Variants in ST8SIA2 observed in about 807,000 individuals in gnomAD.
The protein encoded by ST8SIA2 is ST8 alpha-N-acetyl-neuraminide alpha-2,8-sialyltransferase 2.
ST8SIA2 carries 22 observed loss-of-function variants against 37.6 expected under a neutral mutation model. That is an observed-to-expected ratio of 0.58 (90% CI 0.42 to 0.83). The LOEUF (loss-of-function observed/expected upper bound fraction) is 0.83, where lower values mean the gene tolerates loss of function less well. ST8SIA2 is among the 40% of genes least tolerant of loss of function. The pLI is 0.00. For synonymous variants in ST8SIA2, 205 were observed against 201.2 expected (o/e 1.02, Z -0.16); for missense variants, 382 against 484.7 (o/e 0.79, Z 1.99).
intron 2 of ST8SIA2, among the ~76,000 whole-genome samples, chr15:92,430,804 C>T (rs2049709983): frequency 6.6e-6 from 1 of 152,130 alleles, no homozygotes; most frequent in African/African-American, 2.4e-5. Flanking sequence ...AAGGAAGTGC[C>T]AAGTTATATG....
At chr15:92,398,022 A>G (rs2049443865) in intron 1 of ST8SIA2, among the ~76,000 whole-genome samples, 2 of 152,168 alleles carry the variant, frequency 1.3e-5, no homozygotes, top group Admixed American at 1.3e-4. Context: ...AATACCAGCT[A>G]CTCGGGAGGC....
At chr15:92,422,831 T>G (rs930779026) in intron 1 of ST8SIA2, 3 of 152,580 alleles carry the variant, frequency 2.0e-5, no homozygotes, top group African/African-American at 7.2e-5. Context: ...CAAGCACTTG[T>G]CAGCTGGTGG....
At chr15:92,440,970 G>A (rs2049797279) in intron 4 of ST8SIA2, among the ~76,000 whole-genome samples, 1 of 152,204 alleles carries the variant, frequency 6.6e-6, no homozygotes, top group African/African-American at 2.4e-5. Context: ...CTCCTCCAGA[G>A]CAGAGTGGCT....
At chr15:92,443,885 G>A (rs1026620322) in intron 4 of ST8SIA2, among the ~76,000 whole-genome samples, 14 of 152,050 alleles carry the variant, frequency 9.2e-5, no homozygotes, top group Admixed American at 9.2e-4. Flanking sequence ...ATCTCCAGCC[G>A]AGGAACCCGG....
intron 1 of ST8SIA2, among the ~76,000 whole-genome samples, chr15:92,418,475 A>AG (rs1245848603): frequency 1.3e-5 from 2 of 151,648 alleles, no homozygotes; most frequent in African/African-American, 4.8e-5. Context: ...AAAAAAAAAA[A>AG]AAAAAAAAGG....
At chr15:92,454,517 C>T (rs1472038299) in intron 5 of ST8SIA2, among the ~76,000 whole-genome samples, 4 of 152,138 alleles carry the variant, frequency 2.6e-5, no homozygotes, top group East Asian at 3.9e-4. Context: ...TCCCTTCCCA[C>T]TCTGAGATTC....
At chr15:92,430,419 G>C (rs1484634975) in intron 2 of ST8SIA2, among the ~76,000 whole-genome samples, 1 of 152,196 alleles carries the variant, frequency 6.6e-6, no homozygotes, top group Non-Finnish European at 1.5e-5. Flanking sequence ...TGTTTGCTGA[G>C]CAATGGAGAC....
intron 1 of ST8SIA2, among the ~76,000 whole-genome samples, chr15:92,426,606 C>T (rs1190745929): frequency 6.6e-6 from 1 of 152,134 alleles, no homozygotes; most frequent in Non-Finnish European, 1.5e-5. Flanking sequence ...CATTTGGTCT[C>T]CTCCAAGCCT....
At chr15:92,401,818 G>T (rs566828671) in intron 1 of ST8SIA2, among the ~76,000 whole-genome samples, 1 of 151,092 alleles carries the variant, frequency 6.6e-6, no homozygotes, top group Admixed American at 6.6e-5. Context: ...TCCTCCTCCA[G>T]CTTCTTAGTT....
chr15:92,402,436 T>C (rs1023229562), intron 1 of ST8SIA2, among the ~76,000 whole-genome samples: 6 of 152,166 alleles, frequency 3.9e-5, no homozygotes, highest in Admixed American at 6.5e-5. Context: ...ATAACACAGC[T>C]AGTAAGGTGC....
chr15:92,401,774 C>T (rs1490582488), intron 1 of ST8SIA2, among the ~76,000 whole-genome samples: 4 of 151,560 alleles, frequency 2.6e-5, no homozygotes, highest in Non-Finnish European at 5.9e-5. Context: ...CTTCCTGGAC[C>T]TTTTTTAAGG....
intron 1 of ST8SIA2, among the ~76,000 whole-genome samples, chr15:92,411,477 C>T (rs1411575534): frequency 6.6e-6 from 1 of 152,090 alleles, no homozygotes; most frequent in Non-Finnish European, 1.5e-5. Flanking sequence ...ACAACTGAGC[C>T]CACTGTGGGT....
At chr15:92,454,335 T>G (rs944403693) in intron 5 of ST8SIA2, among the ~76,000 whole-genome samples, 8 of 151,996 alleles carry the variant, frequency 5.3e-5, no homozygotes, top group African/African-American at 1.9e-4. Context: ...TGCAAGGACA[T>G]CAGTCATATT....
intron 5 of ST8SIA2, among the ~76,000 whole-genome samples, chr15:92,449,926 T>C (rs1452526541): frequency 6.6e-6 from 1 of 152,230 alleles, no homozygotes; most frequent in Non-Finnish European, 1.5e-5. Context: ...AGTTTGTGAA[T>C]ATTTTCTCCC....
chr15:92,465,469 T>A lies in ST8SIA2; in HGVS notation c.*1084T>A, dbSNP rs1249043732. On this transcript the variant is annotated 3_prime_UTR_variant, in exon 6 of 6. Coordinates refer to ENST00000268164, the MANE Select transcript of ST8SIA2 (RefSeq NM_006011.4). Reference sequence around the variant, plus strand: ...TCACAGAGCCCCAGAGTGTGAGACCTGAAAGAATGTTCAGCATCTAGCTCC... The same window carrying A: ...TCACAGAGCCCCAGAGTGTGAGACCAGAAAGAATGTTCAGCATCTAGCTCC... The A allele has an allele frequency of 6.6e-6, 1 of 152,248 alleles. No individual in the cohort carries two copies. Among genetic ancestry groups the A allele is most frequent in the East Asian group, 1.9e-4 (1 of 5,198 alleles). The allele number at this position is 152,248 out of a possible 1,614,324, so 9.4% of individuals were successfully genotyped here.
At chr15:92,458,212 C>T (rs906582968) in intron 5 of ST8SIA2, among the ~76,000 whole-genome samples, 1 of 152,148 alleles carries the variant, frequency 6.6e-6, no homozygotes, top group African/African-American at 2.4e-5. Context: ...ATCAGGGATT[C>T]GGGGATCTAG....
At chr15:92,404,119 T>C (rs1465840360) in intron 1 of ST8SIA2, among the ~76,000 whole-genome samples, 1 of 152,230 alleles carries the variant, frequency 6.6e-6, no homozygotes, top group Non-Finnish European at 1.5e-5. Flanking sequence ...TAGGTATTCA[T>C]CATACATCTC....
chr15:92,461,819 C>T (rs2049959760), intron 5 of ST8SIA2, among the ~76,000 whole-genome samples: 1 of 150,780 alleles, frequency 6.6e-6, no homozygotes, highest in Non-Finnish European at 1.5e-5. Flanking sequence ...CGGTGATGGG[C>T]TGCCACTGCA....
chr15:92,450,145 C>T (rs748759099), intron 5 of ST8SIA2, among the ~76,000 whole-genome samples: 150 of 152,282 alleles, frequency 9.9e-4, no homozygotes, highest in Middle Eastern at 3.4e-3. Context: ...CATCAAAGGA[C>T]AATCTATCAA....
Sources: allele counts gnomAD v4.1 joint callset (sites outside exome capture counted in the v4.1 genomes callset), GRCh38; gene constraint gnomAD v4.1.1; transcripts MANE v1.5; gene names NCBI Gene and HGNC (gene_info 2026-07-23, HGNC 2026-07-21).